The following ZSCAN20 variants were observed in gnomAD, a reference collection of about 807,000 sequenced individuals.
ZSCAN20 encodes the protein zinc finger and SCAN domain-containing protein 20.
Under a neutral mutation model 97.1 loss-of-function variants are expected in ZSCAN20, and 39 were observed. The observed-to-expected ratio is 0.40, with a 90% confidence interval of 0.31 to 0.52. ZSCAN20 has a LOEUF of 0.52. ZSCAN20 is among the 20% of genes least tolerant of loss of function. The pLI, the probability that ZSCAN20 is intolerant of heterozygous loss-of-function variation, is 0.49. For synonymous variants in ZSCAN20, 456 were observed against 467.3 expected, an observed-to-expected ratio of 0.98 and a Z score of 0.31; for missense variants, 1,115 against 1,290.4, an observed-to-expected ratio of 0.86 and a Z score of 2.08.
chr1:33,490,866 C>T (rs1652575499), intron 5 of ZSCAN20, among the ~76,000 whole-genome samples, 159 bp from the exon 6 acceptor site: 1 of 152,090 alleles, frequency 6.6e-6, no homozygotes, highest in Non-Finnish European at 1.5e-5. Context: ...GGTCGTGTTA[C>T]CTCTTCTCTC....
chr1:33,475,511 C>T (rs756785805), intron 1 of ZSCAN20, among the ~76,000 whole-genome samples: 1 of 152,214 alleles, frequency 6.6e-6, no homozygotes, highest in Non-Finnish European at 1.5e-5. Context: ...ACACTTTACT[C>T]ACACTTAGTG....
At position 33,497,096 on chromosome 1, in the gene ZSCAN20, A is replaced by C. The variant is rs761757232; in HGVS notation, c.*1620A>C. ...TGGGCTGGGGAAGTACCTATCAGATAGTGGATGTGAAGCAGCCTTGAAGAA... is the reference window on the plus strand; with the variant it reads ...TGGGCTGGGGAAGTACCTATCAGATCGTGGATGTGAAGCAGCCTTGAAGAA... On this transcript the variant is annotated 3_prime_UTR_variant, in exon 8 of 8. Transcript: ENST00000684572. Among the ~76,000 whole-genome samples the C allele has an allele frequency of 2.4e-4, 36 of 152,306 alleles. No homozygotes were observed. The highest frequency in any genetic ancestry group is 2.0e-3 in the Admixed American group (31 of 15,300).
chr1:33,488,507 G>A lies in ZSCAN20; in HGVS notation c.460G>A (p.Gly154Arg). The A allele has an allele frequency of 6.2e-7, 1 of 1,614,150 alleles. No individual in the cohort carries two copies. Among genetic ancestry groups the A allele is most frequent in the African/African-American group, 1.3e-5 (1 of 75,070 alleles). The change falls in exon 3 of 8, where the codon GGG becomes AGG. Residue 154 changes from glycine (G) to arginine (R), a missense_variant. Gly to Arg is a moderately radical substitution (Grantham distance 125). Transcript: ENST00000684572. ...AGAAGAGACCAGGCCCTTAAAGACA[G>A]GGGAAGAAGCTCAGAGCTTCCAGCT... Reference protein sequence around the residue: ...HTEETRPLKTGEEAQSFQLQP... With the variant: ...HTEETRPLKTREEAQSFQLQP...
intron 1 of ZSCAN20, among the ~76,000 whole-genome samples, chr1:33,478,008 A>T (rs1652000428): frequency 6.6e-6 from 1 of 152,092 alleles, no homozygotes; most frequent in African/African-American, 2.4e-5. Flanking sequence ...AAAGAGGGGA[A>T]GGTTCAGAGG....
At position 33,491,667 on chromosome 1, in the gene ZSCAN20, T is replaced by C. The variant is rs192219497; in HGVS notation, c.1409T>C (p.Ile470Thr). The C allele has an allele frequency of 3.9e-4, 625 of 1,610,368 alleles. 3 individuals carry two copies. In the East Asian group the frequency reaches 0.012, roughly 32 times the overall value. The change falls in exon 6 of 8, where the codon ATT becomes ACT. Residue 470 changes from isoleucine to threonine, a missense_variant. Around this residue, in one of 3 missense-constraint regions of ZSCAN20, gnomAD observed 508 missense variants for 611.2 expected, o/e 0.83. Coordinates refer to ENST00000684572, the MANE Select transcript of ZSCAN20 (RefSeq NM_001377376.1). This position sits in a 1 kb window ranked among gnomAD's most constrained non-coding sequence, Gnocchi z 4.3. ...GTTGAGTCTACCCAGGGGCCCAGGA[T>C]TGCAGGGGCCCCAGCTCTGTTCCAG... ...VNVESTQGPR[I>T]AGAPALFQSR... is the part of the protein sequence containing the mutation.
intron 2 of ZSCAN20, among the ~76,000 whole-genome samples, chr1:33,486,871 A>G (rs1310623304): frequency 1.3e-5 from 2 of 152,164 alleles, no homozygotes; most frequent in Non-Finnish European, 2.9e-5. Flanking sequence ...CTTGATGCTC[A>G]TGGCCCATTC....
Position 33,489,201 on chromosome 1 carries a change from T to G in ZSCAN20, c.681+10T>G, listed in dbSNP as rs368318518. The G allele has an allele frequency of 6.2e-7, 1 of 1,612,480 alleles. No individual in the cohort carries two copies. The highest frequency in any genetic ancestry group is 8.5e-7 in the Non-Finnish European group (1 of 1,179,004). ...GACAGCTGAGTCCCAGGTAAGCTGT[T>G]ACTCGTTCTTCCTTTCCTGTCATTG... is the stretch of plus-strand genomic sequence containing the variant. On this transcript the variant is annotated intron_variant, in intron 4 of 7. Transcript: ENST00000684572.
Position 33,496,986 on chromosome 1 carries a change from T to A in ZSCAN20, c.*1510T>A, listed in dbSNP as rs1652892579. The stretch of plus-strand genomic sequence containing the variant: ...GGTTTAAAACTGTTGACCAAGGACT[T>A]CGGTTTCCATAGGACTTTAAAGGAA... On this transcript the variant is annotated 3_prime_UTR_variant, in exon 8 of 8. Transcript: ENST00000684572. 6.6e-6 allele frequency among the ~76,000 whole-genome samples: 1 copy of A among 152,216 alleles called. No individual in the cohort carries two copies. The highest frequency in any genetic ancestry group is 1.5e-5 in the Non-Finnish European group (1 of 68,036).
rs1473108479 is a variant in ZSCAN20, at chr1:33,500,492, G to C, written c.*5016G>C. On this transcript the variant is annotated 3_prime_UTR_variant, in exon 8 of 8. Transcript: ENST00000684572. ...CCACTTGGTTAAGTCAAGAGCATTA[G>C]AAGAGTAAAAAGAAGAATACAATTA... Among the ~76,000 whole-genome samples the C allele has an allele frequency of 6.6e-6, 1 of 152,118 alleles. No individual in the cohort carries two copies. The highest frequency in any genetic ancestry group is 1.5e-5 in the Non-Finnish European group (1 of 68,026).
intron 1 of ZSCAN20, among the ~76,000 whole-genome samples, chr1:33,475,179 G>T (rs950144809): frequency 2.6e-5 from 4 of 152,228 alleles, no homozygotes; most frequent in Admixed American, 2.6e-4. Flanking sequence ...TAAGAAAAAT[G>T]ATTGGAGAAA....
chr1:33,483,883 T>C (rs1652248979), intron 2 of ZSCAN20, among the ~76,000 whole-genome samples: 1 of 152,182 alleles, frequency 6.6e-6, no homozygotes. Flanking sequence ...ATGCCTTTCT[T>C]TGGTAGTTTT....
At chr1:33,485,096 A>G (rs1026457713) in intron 2 of ZSCAN20, among the ~76,000 whole-genome samples, 3 of 152,142 alleles carry the variant, frequency 2.0e-5, no homozygotes, top group African/African-American at 4.8e-5. Context: ...TTCTTCCTTA[A>G]ATGTTTGGTA....
At chr1:33,482,644 G>T (rs987827578) in intron 2 of ZSCAN20, among the ~76,000 whole-genome samples, 1 of 152,200 alleles carries the variant, frequency 6.6e-6, no homozygotes, top group African/African-American at 2.4e-5. Context: ...GTAAGAAATT[G>T]CCAAACTGTC....
chr1:33,483,109 T>C (rs1652215485), intron 2 of ZSCAN20, among the ~76,000 whole-genome samples: 1 of 152,212 alleles, frequency 6.6e-6, no homozygotes, highest in Non-Finnish European at 1.5e-5. Context: ...GGATTATGCC[T>C]TTGATTTTGT....
At position 33,479,340 on chromosome 1, in the gene ZSCAN20, G is replaced by C; in HGVS notation, c.52G>C (p.Glu18Gln). 1.2e-6 allele frequency: 2 copies of C among 1,614,116 alleles called. No individual in the cohort carries two copies. Among genetic ancestry groups the C allele is most frequent in the Non-Finnish European group, 1.7e-6 (2 of 1,179,958 alleles). The change falls in exon 2 of 8, where the codon GAA becomes CAA. Residue 18 changes from glutamate (E) to glutamine (Q), a missense_variant. By Grantham distance (29) the Glu-to-Gln change is conservative. Around this residue, in one of 3 missense-constraint regions of ZSCAN20, gnomAD observed 508 missense variants for 611.2 expected, o/e 0.83. Coordinates refer to ENST00000684572, the MANE Select transcript of ZSCAN20 (RefSeq NM_001377376.1). ...QAQASPQPEP[E>Q]ELLIVKLEED... ...CCAGGCATCTCCGCAGCCAGAGCCT[G>C]AAGAACTCCTGATTGTGAAACTGGA...
intron 2 of ZSCAN20, among the ~76,000 whole-genome samples, chr1:33,484,126 A>G (rs538561698): frequency 1.3e-5 from 2 of 152,232 alleles, no homozygotes; most frequent in Non-Finnish European, 2.9e-5. Flanking sequence ...GATTTTCTCC[A>G]TAGACAATCG....
intron 1 of ZSCAN20, among the ~76,000 whole-genome samples, chr1:33,476,723 G>T (rs1188155185): frequency 1.3e-5 from 2 of 152,156 alleles, no homozygotes; most frequent in African/African-American, 2.4e-5. Flanking sequence ...GGTTCAAAAA[G>T]AAATTTCATG....
Position 33,500,649 on chromosome 1 carries a change from T to C in ZSCAN20, c.*5173T>C, listed in dbSNP as rs1653035577. 6.8e-6 allele frequency among the ~76,000 whole-genome samples: 1 copy of C among 147,194 alleles called. No homozygotes were observed. Among genetic ancestry groups the C allele is most frequent in the Non-Finnish European group, 1.5e-5 (1 of 67,174 alleles). Reference sequence around the variant, plus strand: ...ATCATGCCTGCTATTACATGATACTTATTTCTAAAGTCACTTTTTTTTTTT... The same window carrying C: ...ATCATGCCTGCTATTACATGATACTCATTTCTAAAGTCACTTTTTTTTTTT... On this transcript the variant is annotated 3_prime_UTR_variant, in exon 8 of 8. Coordinates refer to ENST00000684572, the MANE Select transcript of ZSCAN20 (RefSeq NM_001377376.1).
chr1:33,487,135 A>G (rs115685594), intron 2 of ZSCAN20, among the ~76,000 whole-genome samples: 7 of 152,342 alleles, frequency 4.6e-5, no homozygotes, highest in African/African-American at 1.7e-4. Context: ...AATGCAGAAG[A>G]GCATAGTTAC....
Sources: allele counts gnomAD v4.1 joint callset (sites outside exome capture counted in the v4.1 genomes callset), GRCh38; gene constraint gnomAD v4.1.1; regional missense constraint gnomAD v4.1.1; non-coding constraint Gnocchi (gnomAD v3.1); transcripts MANE v1.5; gene names NCBI Gene and HGNC (gene_info 2026-07-23, HGNC 2026-07-21).